RBBP8: variants seen among roughly 807,000 people sequenced by gnomAD.
RBBP8 encodes the protein DNA endonuclease RBBP8.
RBBP8 carries 88 observed loss-of-function variants against 108.3 expected under a neutral mutation model. The observed-to-expected ratio is 0.81, with a 90% confidence interval of 0.68 to 0.97. RBBP8 has a LOEUF of 0.97. Ranked by LOEUF, RBBP8 falls within the 50% of genes least tolerant of loss-of-function variation. RBBP8 has a pLI of 0.00. For missense variants in RBBP8, 1,023 were observed against 1,049.0 expected (o/e 0.98, Z 0.34); for synonymous variants, 332 against 348.2 (o/e 0.95, Z 0.52).
In RBBP8 at chr18:22,990,980, A is replaced by ATTTC. The variant is rs765175982; in HGVS notation, c.851_852insTTTC (p.Cys285PhefsTer13). 6.2e-7 allele frequency: 1 copy of ATTTC among 1,613,770 alleles called. No homozygotes were observed. Among genetic ancestry groups the ATTTC allele is most frequent in the African/African-American group, 1.3e-5 (1 of 74,928 alleles). On this transcript the variant is annotated frameshift_variant, in exon 10 of 19. Transcript: ENST00000327155. LOFTEE classifies it high-confidence loss of function. ...AGCCCCCTTGGTGATGAGCTCTACC[A>ATTTC]CTGTCTGGAAGGAAATCACAAGAAA...
chr18:23,022,192 T>C lies in RBBP8; in HGVS notation c.2518T>C (p.Phe840Leu), dbSNP rs752995309. Reference protein sequence around the residue: ...KKLASCSRHRFRYIPPNTPEN... With the variant: ...KKLASCSRHRLRYIPPNTPEN... ...ATTGGCTTCCTGCTCAAGACACCGA[T>C]TCCGCTACATTCCACCCAACACACC... is the stretch of plus-strand genomic sequence containing the variant. Residue 840 changes from phenylalanine to leucine, a missense_variant, in exon 18 of 19, where the codon TTC becomes CTC. Physicochemically the swap from Phe to Leu is conservative, Grantham distance 22 (BLOSUM62 0). Transcript: ENST00000327155. 6.2e-7 allele frequency: 1 copy of C among 1,611,034 alleles called. No homozygotes were observed. Among genetic ancestry groups the C allele is most frequent in the South Asian group, 1.1e-5 (1 of 91,022 alleles).
intron 4 of RBBP8, among the ~76,000 whole-genome samples, chr18:22,956,602 A>G (rs1598661044): frequency 6.6e-6 from 1 of 152,088 alleles, no homozygotes; most frequent in Non-Finnish European, 1.5e-5. Context: ...CTTCCACGGT[A>G]TTGGGATTAC....
At position 22,936,879 on chromosome 18, in the gene RBBP8, A is replaced by G; in HGVS notation, c.28A>G (p.Ser10Gly). The part of the protein sequence containing the change: MNISGSSCG[S>G]PNSADTSSDF... ...GAACATCTCGGGAAGCAGCTGTGGAAGCCCTAACTCTGCAGATACATCTAG... is the reference window on the plus strand; with the variant it reads ...GAACATCTCGGGAAGCAGCTGTGGAGGCCCTAACTCTGCAGATACATCTAG... Residue 10 changes from serine (S) to glycine (G), a missense_variant, in exon 2 of 19, where the codon AGC becomes GGC. Physicochemically the swap from Ser to Gly is moderately conservative, Grantham distance 56. Coordinates refer to ENST00000327155, the MANE Select transcript of RBBP8 (RefSeq NM_002894.3). 6.2e-7 allele frequency: 1 copy of G among 1,614,174 alleles called. No homozygotes were observed. The highest frequency in any genetic ancestry group is 8.5e-7 in the Non-Finnish European group (1 of 1,180,034).
intron 10 of RBBP8, 94 bp downstream of exon 10, chr18:22,991,143 A>T (rs899310352): frequency 2.2e-5 from 20 of 905,050 alleles, no homozygotes; most frequent in Non-Finnish European, 2.6e-5. Flanking sequence ...CTCCTTCAAC[A>T]TATAGTTTGT....
chr18:22,972,415 C>CTT (rs796522846), intron 5 of RBBP8, among the ~76,000 whole-genome samples: 6 of 116,130 alleles, frequency 5.2e-5, no homozygotes, highest in African/African-American at 1.6e-4. Flanking sequence ...TTGTTTATTT[C>CTT]TTTTTTTTTT....
intron 4 of RBBP8, among the ~76,000 whole-genome samples, chr18:22,953,511 A>T (rs80172873): frequency 0.049 from 7,470 of 152,222 alleles, 355 homozygotes; most frequent in African/African-American, 0.12. Context: ...CATCCCCAAG[A>T]TAGTATTCTT....
chr18:22,924,805 T>C (rs966725679), intron 3 of RBBP8, among the ~76,000 whole-genome samples: 3 of 152,202 alleles, frequency 2.0e-5, no homozygotes, highest in East Asian at 1.9e-4. Flanking sequence ...GCTAGAGCAA[T>C]AGGAATCAAC....
rs536398127 is a variant in RBBP8 at position 23,018,881 on chromosome 18, A to T, written c.2454+1957A>T. ...TCCCTTGTTGTCCATTAGCTCTCAG[A>T]TGCCTGCCCTCAGCAATTTACTTCC... On this transcript the variant is annotated intron_variant, in intron 17 of 18. Transcript: ENST00000327155. Among the ~76,000 whole-genome samples, 175 of 152,300 alleles carry T rather than the reference A, an allele frequency of 1.1e-3. 2 individuals are homozygous for T. The highest frequency in any genetic ancestry group is 3.4e-3 in the Middle Eastern group (1 of 294).
At chr18:22,981,730 A>G (rs367652409) in intron 6 of RBBP8, among the ~76,000 whole-genome samples, 176 of 152,348 alleles carry the variant, frequency 1.2e-3, no homozygotes, top group African/African-American at 3.9e-3. Flanking sequence ...CTGGACTATT[A>G]TAGCCACTAA....
intron 18 of RBBP8, among the ~76,000 whole-genome samples, chr18:23,025,752 A>G (rs1008384258): frequency 9.2e-5 from 14 of 152,202 alleles, no homozygotes; most frequent in African/African-American, 3.4e-4. Flanking sequence ...AGAATAGGAA[A>G]GTGTTTAAGA....
At chr18:23,022,668 T>TAAAATAAAATATAAAAATAAAATAAAAA in intron 18 of RBBP8, among the ~76,000 whole-genome samples, 1 of 136,030 alleles carries the variant, frequency 7.4e-6, no homozygotes, top group Middle Eastern at 3.5e-3. Context: ...TAAAATAAAA[T>TAAAATAAAATATAAAAATAAAATAAAAA]AAATAACTGT....
chr18:22,937,087 G>C (rs1201939679), intron 2 of RBBP8, 127 bp downstream of exon 2: 1 of 1,500,578 alleles, frequency 6.7e-7, no homozygotes, highest in South Asian at 1.2e-5. Flanking sequence ...TACATGTGCA[G>C]ATTTGGTACA....
At chr18:23,010,983 T>A (rs2046149480) in intron 16 of RBBP8, among the ~76,000 whole-genome samples, 1 of 152,214 alleles carries the variant, frequency 6.6e-6, no homozygotes, top group African/African-American at 2.4e-5. Flanking sequence ...ATCTGCATAA[T>A]CTTAGGAGTC....
intron 15 of RBBP8, among the ~76,000 whole-genome samples, chr18:23,003,597 C>T (rs114187256): frequency 0.012 from 1,798 of 152,242 alleles, 34 homozygotes; most frequent in African/African-American, 0.042. Flanking sequence ...TAGATGCTAG[C>T]GTTTAGCTAT....
At chr18:22,991,149 T>C in intron 10 of RBBP8, 100 bp downstream of exon 10, 1 of 867,406 alleles carries the variant, frequency 1.2e-6, no homozygotes, top group Non-Finnish European at 1.9e-6. Flanking sequence ...CAACATATAG[T>C]TTGTTATTGT....
chr18:22,955,902 C>T (rs1912490008), intron 4 of RBBP8, among the ~76,000 whole-genome samples: 1 of 152,060 alleles, frequency 6.6e-6, no homozygotes, highest in Non-Finnish European at 1.5e-5. Flanking sequence ...TAAATCTGAT[C>T]CCCGCTTCCA....
At chr18:23,021,275 TGTG>T (rs2046342297) in intron 17 of RBBP8, among the ~76,000 whole-genome samples, 1 of 151,838 alleles carries the variant, frequency 6.6e-6, no homozygotes, top group Non-Finnish European at 1.5e-5. Flanking sequence ...ATTAGCTGAG[TGTG>T]GTGGTGCATG....
chr18:22,978,622 A>G (rs796442907), intron 6 of RBBP8, among the ~76,000 whole-genome samples: 2 of 152,144 alleles, frequency 1.3e-5, no homozygotes, highest in African/African-American at 4.8e-5. Context: ...TATGACTAAT[A>G]GGCAAGCAGG....
chr18:22,992,877 T>G lies in RBBP8; in HGVS notation c.1050T>G (p.Leu350=), dbSNP rs1567983659. 6.2e-7 allele frequency: 1 copy of G among 1,613,992 alleles called. No homozygotes were observed. The highest frequency in any genetic ancestry group is 1.7e-5 in the Admixed American group (1 of 60,020). Residue 350 remains leucine, a synonymous_variant, in exon 11 of 19, where the codon CTT becomes CTG. Coordinates refer to ENST00000327155, the MANE Select transcript of RBBP8 (RefSeq NM_002894.3). The part of the protein sequence containing the change: ...LDLNTSLSPS[L]LQPGKKKHLK... ...TGAATACAAGTTTGTCCCCTTCTCT[T>G]TTACAGCCTGGGAAAAAAAAACATC...
Sources: gnomAD v4.1 joint callset for allele counts (sites outside exome capture counted in the v4.1 genomes callset) on GRCh38, gnomAD v4.1.1 for gene constraint, MANE v1.5 for transcripts, NCBI Gene and HGNC (gene_info 2026-07-23, HGNC 2026-07-21) for gene names.